SGCZ: variants seen among roughly 807,000 people sequenced by gnomAD.
SGCZ encodes the protein zeta-sarcoglycan.
Under a neutral mutation model 41.3 loss-of-function variants are expected in SGCZ, and 40 were observed. The observed-to-expected ratio is 0.97, with a 90% CI of 0.75 to 1.26. The LOEUF (loss-of-function observed/expected upper bound fraction) is 1.26. SGCZ is among the 50% of genes most tolerant of loss of function. The probability of loss-of-function intolerance (pLI) is 0.00; values close to 1 mark genes in which losing one functional copy is unlikely to be tolerated. For missense variants in SGCZ, 552 were observed against 369.8 expected, an observed-to-expected ratio of 1.49 and a Z score of -4.04; for synonymous variants, 206 against 137.5, an observed-to-expected ratio of 1.50 and a Z score of -3.49.
chr8:14,479,218 G>T (rs1349263215), intron 2 of SGCZ, among the ~76,000 whole-genome samples: 1 of 152,198 alleles, frequency 6.6e-6, no homozygotes, highest in Non-Finnish European at 1.5e-5. Context: ...TGTGGCTGAA[G>T]GCCAGAGAGC....
At chr8:14,510,895 T>G (rs767286941) in intron 2 of SGCZ, among the ~76,000 whole-genome samples, 2 of 152,086 alleles carry the variant, frequency 1.3e-5, no homozygotes, top group Admixed American at 6.6e-5. Context: ...TTTTGCAATA[T>G]AGGCATCAAT....
At chr8:14,190,357 G>T (rs1261758892) in intron 4 of SGCZ, among the ~76,000 whole-genome samples, 1 of 151,490 alleles carries the variant, frequency 6.6e-6, no homozygotes, top group Admixed American at 6.6e-5. Context: ...CATTATGTAT[G>T]TATGTATGTA....
At chr8:14,376,953 C>A (rs765176476) in intron 2 of SGCZ, among the ~76,000 whole-genome samples, 5 of 152,146 alleles carry the variant, frequency 3.3e-5, no homozygotes, top group Non-Finnish European at 7.3e-5. Context: ...GTTTCTAACA[C>A]AGAACTTCTA....
At chr8:14,434,943 G>C (rs1287355791) in intron 2 of SGCZ, among the ~76,000 whole-genome samples, 1 of 152,054 alleles carries the variant, frequency 6.6e-6, no homozygotes, top group Non-Finnish European at 1.5e-5. Flanking sequence ...ATCTTTTGGG[G>C]AGTTGATCTT....
chr8:15,230,738 C>T (rs1192086972), intron 1 of SGCZ, among the ~76,000 whole-genome samples: 1 of 152,174 alleles, frequency 6.6e-6, no homozygotes, highest in Non-Finnish European at 1.5e-5. Flanking sequence ...AGGCCAAAGG[C>T]AAGTATGGAG....
At chr8:14,401,257 C>T (rs969298268) in intron 2 of SGCZ, among the ~76,000 whole-genome samples, 11 of 151,564 alleles carry the variant, frequency 7.3e-5, no homozygotes, top group African/African-American at 2.7e-4. Flanking sequence ...AATATACATA[C>T]ATATATATAG....
At chr8:14,746,941 TGG>T (rs1799354109) in intron 1 of SGCZ, among the ~76,000 whole-genome samples, 1 of 152,222 alleles carries the variant, frequency 6.6e-6, no homozygotes, top group African/African-American at 2.4e-5. Flanking sequence ...TTACATGGAA[TGG>T]GTTCAAAGAT....
chr8:14,370,658 G>T (rs1179732236), intron 2 of SGCZ, among the ~76,000 whole-genome samples: 2 of 151,504 alleles, frequency 1.3e-5, no homozygotes, highest in African/African-American at 4.8e-5. Context: ...TATTTATGTG[G>T]TTAATGAAAA....
At chr8:15,160,813 C>G (rs1290515886) in intron 1 of SGCZ, among the ~76,000 whole-genome samples, 1 of 152,198 alleles carries the variant, frequency 6.6e-6, no homozygotes, top group Admixed American at 6.5e-5. Context: ...GGCCAAAAGG[C>G]ACATGCCACC....
chr8:14,911,704 C>A (rs905585116), intron 1 of SGCZ, among the ~76,000 whole-genome samples: 1 of 151,772 alleles, frequency 6.6e-6, no homozygotes, highest in Non-Finnish European at 1.5e-5. Context: ...CACCTAGGAC[C>A]ATAAAATAGT....
chr8:14,703,288 C>G (rs1166245711), intron 1 of SGCZ, among the ~76,000 whole-genome samples: 1 of 151,922 alleles, frequency 6.6e-6, no homozygotes, highest in Non-Finnish European at 1.5e-5. Context: ...TTCTTGTCTA[C>G]ACTGACATCC....
chr8:14,239,827 G>A (rs1404729222), intron 3 of SGCZ, among the ~76,000 whole-genome samples: 2 of 132,588 alleles, frequency 1.5e-5, no homozygotes, highest in Non-Finnish European at 3.1e-5. Flanking sequence ...GCGTGAACCC[G>A]GGAGGCGGAG....
chr8:14,724,592 G>C lies in SGCZ; in HGVS notation c.40-169666C>G, dbSNP rs566321790. Among the ~76,000 whole-genome samples the C allele has an allele frequency of 1.5e-4, 22 of 151,512 alleles. No individual in the cohort carries two copies. In the East Asian group the frequency reaches 3.7e-3, roughly 25 times the overall value. On this transcript the variant is annotated intron_variant, in intron 1 of 7. Coordinates refer to ENST00000382080, the MANE Select transcript of SGCZ (RefSeq NM_139167.4). Reference sequence around the variant, plus strand: ...TATTGAAATTCATTTGTATTATTCAGTTTGATATTAATATAAATAATCAGA... The same window carrying C: ...TATTGAAATTCATTTGTATTATTCACTTTGATATTAATATAAATAATCAGA...
intron 1 of SGCZ, among the ~76,000 whole-genome samples, chr8:15,221,985 C>T (rs1332033147): frequency 6.6e-6 from 1 of 152,320 alleles, no homozygotes; most frequent in Non-Finnish European, 1.5e-5. Flanking sequence ...CTAGCACTTA[C>T]ATTTCAAAAT....
intron 2 of SGCZ, among the ~76,000 whole-genome samples, chr8:14,497,389 T>A (rs1043823902): frequency 7.9e-5 from 12 of 152,134 alleles, no homozygotes; most frequent in Non-Finnish European, 1.6e-4. Flanking sequence ...CGTGAACTAA[T>A]GGAGCAAGAA....
chr8:14,637,024 C>A (rs1053622301), intron 1 of SGCZ, among the ~76,000 whole-genome samples: 5 of 151,628 alleles, frequency 3.3e-5, no homozygotes, highest in Non-Finnish European at 5.9e-5. Flanking sequence ...CTACTTCTGG[C>A]CTTCATTGCA....
chr8:14,460,723 G>T (rs957951), intron 2 of SGCZ, among the ~76,000 whole-genome samples: 34,983 of 152,100 alleles, frequency 0.23, 4,537 homozygotes, highest in Non-Finnish European at 0.3. Flanking sequence ...AAAGACAAGT[G>T]TGTGTAGTGT....
chr8:14,567,847 C>T (rs1804422994), intron 1 of SGCZ, among the ~76,000 whole-genome samples: 1 of 152,154 alleles, frequency 6.6e-6, no homozygotes, highest in South Asian at 2.1e-4. Flanking sequence ...CGAAGGTCTG[C>T]AGCTTCACTC....
chr8:15,175,361 A>G (rs1287733926), intron 1 of SGCZ, among the ~76,000 whole-genome samples: 1 of 152,306 alleles, frequency 6.6e-6, no homozygotes, highest in African/African-American at 2.4e-5. Flanking sequence ...ATAAAAAAAA[A>G]AGAATAAGAT....
Sources: allele counts gnomAD v4.1 joint callset (sites outside exome capture counted in the v4.1 genomes callset), GRCh38; gene constraint gnomAD v4.1.1; transcripts MANE v1.5; gene names NCBI Gene and HGNC (gene_info 2026-07-23, HGNC 2026-07-21).